The following PRPF3 variants were observed in gnomAD, a reference collection of about 807,000 sequenced individuals.
The protein encoded by PRPF3 is U4/U6 small nuclear ribonucleoprotein Prp3.
PRPF3 carries 3 observed loss-of-function variants against 89.2 expected under a neutral mutation model. The ratio of observed to expected loss-of-function variants is 0.03; its 90% CI spans 0.02 to 0.09. PRPF3 has a LOEUF of 0.09. PRPF3 is among the 10% of genes least tolerant of loss of function. The pLI is 1.00. For synonymous variants in PRPF3, 270 were observed against 289.1 expected, an observed-to-expected ratio of 0.93 and a Z score of 0.67; for missense variants, 463 against 828.8, an observed-to-expected ratio of 0.56 and a Z score of 5.42.
At chr1:150,325,398 A>C (rs1271091659) in intron 2 of PRPF3, among the ~76,000 whole-genome samples, 1 of 152,294 alleles carries the variant, frequency 6.6e-6, no homozygotes, top group East Asian at 1.9e-4. Context: ...ACATCTCAAC[A>C]TACAAAAATC....
At chr1:150,322,753 T>G (rs1655195429) in intron 1 of PRPF3, among the ~76,000 whole-genome samples, 2 of 152,210 alleles carry the variant, frequency 1.3e-5, no homozygotes, top group Non-Finnish European at 1.5e-5. Flanking sequence ...CTGGATTTTT[T>G]GGAGAAAAGA....
chr1:150,348,729 C>G, intron 14 of PRPF3: 1 of 218,432 alleles, frequency 4.6e-6, no homozygotes, highest in Non-Finnish European at 9.2e-6. Context: ...TCCCAAAGCG[C>G]TAGGATTACA....
intron 1 of PRPF3, among the ~76,000 whole-genome samples, chr1:150,323,094 C>T (rs912572604): frequency 1.3e-5 from 2 of 149,776 alleles, no homozygotes; most frequent in African/African-American, 4.9e-5. Context: ...AGGCTGGTCT[C>T]GAACTCCTGA....
chr1:150,346,127 G>T lies in PRPF3; in HGVS notation c.1750G>T (p.Val584Leu), dbSNP rs1183016664. Residue 584 changes from valine (V) to leucine (L), a missense_variant, in exon 13 of 16, where the codon GTG becomes TTG. Physicochemically the swap from Val to Leu is conservative, Grantham distance 32. Coordinates refer to ENST00000324862, the MANE Select transcript of PRPF3 (RefSeq NM_004698.4). Reference sequence around the variant, plus strand: ...GCACAAGGATGTCAACGTGGTAGTAGTGGAAGGGGGTGAGTCTGAAAAACT... The same window carrying T: ...GCACAAGGATGTCAACGTGGTAGTATTGGAAGGGGGTGAGTCTGAAAAACT... ...VLHKDVNVVVVEGGPKAQKKF... is the reference protein window; with the variant it reads ...VLHKDVNVVVLEGGPKAQKKF... 6.2e-7 allele frequency: 1 copy of T among 1,613,812 alleles called. No individual in the cohort carries two copies.
chr1:150,325,099 T>C lies in PRPF3; in HGVS notation c.145+12T>C, dbSNP rs782761953. ...GAAGAAGGCAGCCGGTATGTACCTT[T>C]CTGCATCTTTTATCTTAACATATAG... On this transcript the variant is annotated intron_variant, in intron 2 of 15. Transcript: ENST00000324862. The C allele has an allele frequency of 6.2e-7, 1 of 1,612,598 alleles. No individual in the cohort carries two copies. Among genetic ancestry groups the C allele is most frequent in the Non-Finnish European group, 8.5e-7 (1 of 1,179,126 alleles).
chr1:150,335,357 T>A, intron 7 of PRPF3, 116 bp downstream of exon 7: 1 of 1,256,926 alleles, frequency 8.0e-7, no homozygotes, highest in Non-Finnish European at 1.1e-6. Flanking sequence ...AAAGCAGCAG[T>A]CCTCAACCTT....
At chr1:150,350,279 G>A (rs186182685) in intron 15 of PRPF3, among the ~76,000 whole-genome samples, 35 of 148,362 alleles carry the variant, frequency 2.4e-4, no homozygotes, top group African/African-American at 7.7e-4. Flanking sequence ...TCAGCTCACC[G>A]CAACCACCGC....
At position 150,338,249 on chromosome 1, in the gene PRPF3, T is replaced by G. The variant is rs781859945; in HGVS notation, c.1125T>G (p.Pro375=). The G allele has an allele frequency of 1.2e-6, 2 of 1,614,088 alleles. No individual in the cohort carries two copies. The highest frequency in any genetic ancestry group is 1.7e-6 in the Non-Finnish European group (2 of 1,179,972). Residue 375 remains proline, a synonymous_variant, in exon 8 of 16, where the codon CCT becomes CCG. Coordinates refer to ENST00000324862, the MANE Select transcript of PRPF3 (RefSeq NM_004698.4). ...CGACTAGGCTTGCCCTCATTGCTCC[T>G]AAGAAGGAGCTAAAGGAAGGAGATA... The part of the protein sequence containing the change: ...HTSTRLALIA[P]KKELKEGDIP...
At chr1:150,343,238 A>AG (rs1553871861) in intron 9 of PRPF3, 71 bp from the exon 10 acceptor site, 83 of 308,394 alleles carry the variant, frequency 2.7e-4, no homozygotes, top group East Asian at 8.9e-4. Flanking sequence ...TGAGAGAGAG[A>AG]AAAAAAAAAA....
chr1:150,345,149 C>T (rs1658147781), intron 12 of PRPF3, among the ~76,000 whole-genome samples: 1 of 151,874 alleles, frequency 6.6e-6, no homozygotes, highest in Non-Finnish European at 1.5e-5. Flanking sequence ...AAAAGTGGTA[C>T]ATTATCACAA....
At chr1:150,351,952 T>A (rs1658972462) in intron 15 of PRPF3, among the ~76,000 whole-genome samples, 1 of 152,202 alleles carries the variant, frequency 6.6e-6, no homozygotes, top group Non-Finnish European at 1.5e-5. Flanking sequence ...TCTCTCATGT[T>A]CAGAAATAAG....
At chr1:150,343,237 GAAAAAA>G (rs201623637) in intron 9 of PRPF3, 66 bp from the exon 10 acceptor site, 8 of 831,238 alleles carry the variant, frequency 9.6e-6, no homozygotes, top group African/African-American at 9.1e-5. Flanking sequence ...GTGAGAGAGA[GAAAAAA>G]AAAAAATATA....
chr1:150,338,034 A>C, intron 7 of PRPF3, 126 bp from the exon 8 acceptor site: 2 of 965,204 alleles, frequency 2.1e-6, no homozygotes, highest in Non-Finnish European at 3.1e-6. Flanking sequence ...AGACCATGCC[A>C]TTGCACTCCA....
At chr1:150,338,359 A>T (rs1553868846) in intron 8 of PRPF3, 33 bp downstream of exon 8, 1 of 1,600,206 alleles carries the variant, frequency 6.2e-7, no homozygotes, top group Admixed American at 1.7e-5. Flanking sequence ...TTAAAAAAAC[A>T]GTTTTTAATC....
Position 150,332,594 on chromosome 1 carries a change from A to G in PRPF3, c.424-90A>G, listed in dbSNP as rs981019162. The G allele has an allele frequency of 1.1e-5, 14 of 1,243,312 alleles. No homozygotes were observed. The South Asian group carries it at 1.7e-4, about 15-fold the overall frequency. The allele number at this position is 1,243,312 out of a possible 1,614,324, so 77.0% of individuals were successfully genotyped here. A position where few individuals can be genotyped will look rare whatever the true frequency, so the allele number is the denominator to read the frequency against. ...GTCATTCAAAACATTTTAAGTGTCTAGACCTGAGAGCCTTGTGGGTTTAAA... is the reference window on the plus strand; with the variant it reads ...GTCATTCAAAACATTTTAAGTGTCTGGACCTGAGAGCCTTGTGGGTTTAAA... On this transcript the variant is annotated intron_variant, in intron 4 of 15. Transcript: ENST00000324862.
At chr1:150,323,113 A>G (rs1306678450) in intron 1 of PRPF3, among the ~76,000 whole-genome samples, 10 of 143,330 alleles carry the variant, frequency 7.0e-5, no homozygotes, top group Admixed American at 6.5e-4. Context: ...GACGTCAGAT[A>G]ATCCACCCGC....
intron 1 of PRPF3, among the ~76,000 whole-genome samples, chr1:150,322,537 G>C (rs1655167826): frequency 6.6e-6 from 1 of 152,152 alleles, no homozygotes; most frequent in African/African-American, 2.4e-5. Context: ...TTGGTACGCT[G>C]TATGTCTACT....
intron 1 of PRPF3, among the ~76,000 whole-genome samples, chr1:150,324,316 G>T (rs1655454442): frequency 6.6e-6 from 1 of 152,192 alleles, no homozygotes; most frequent in Non-Finnish European, 1.5e-5. Context: ...GATCAAGAAA[G>T]AAGCTAGAAC....
Position 150,344,460 on chromosome 1 carries a change from G to T in PRPF3, c.1553G>T (p.Arg518Leu), listed in dbSNP as rs781790530. The T allele has an allele frequency of 1.2e-6, 2 of 1,614,008 alleles. No individual in the cohort carries two copies. The highest frequency in any genetic ancestry group is 1.7e-6 in the Non-Finnish European group (2 of 1,180,030). The change falls in exon 12 of 16, where the codon CGA (arginine) becomes CTA (leucine). Residue 518 changes from arginine (R) to leucine (L), a missense_variant. Arg to Leu is a moderately radical substitution (Grantham distance 102). Around this residue, in one of 8 missense-constraint regions of PRPF3, gnomAD observed 261 missense variants for 475.8 expected, o/e 0.55. Coordinates refer to ENST00000324862, the MANE Select transcript of PRPF3 (RefSeq NM_004698.4). ...QKAHEEANAA[R>L]KLTAEQRKVK... The stretch of plus-strand genomic sequence containing the variant: ...GCGCATGAAGAGGCCAACGCTGCCC[G>T]AAAACTCACAGCAGAACAGAGAAAG...
Sources: allele counts gnomAD v4.1 joint callset (sites outside exome capture counted in the v4.1 genomes callset), GRCh38; gene constraint gnomAD v4.1.1; regional missense constraint gnomAD v4.1.1; transcripts MANE v1.5; gene names NCBI Gene and HGNC (gene_info 2026-07-23, HGNC 2026-07-21).